Variants in ZNF141 observed in about 807,000 individuals in gnomAD.
The protein encoded by ZNF141 is zinc finger protein 141 (clone pHZ-44).
Under a neutral mutation model 11.3 loss-of-function variants are expected in ZNF141, and 7 were observed. The ratio of observed to expected loss-of-function variants is 0.62; its 90% confidence interval spans 0.35 to 1.16. The LOEUF is 1.16. Ranked by LOEUF, ZNF141 falls within the 50% of genes most tolerant of loss-of-function variation. The pLI is 0.02. For synonymous variants in ZNF141, 183 were observed against 190.7 expected (o/e 0.96, Z 0.33); for missense variants, 535 against 554.0 (o/e 0.97, Z 0.34).
intron 3 of ZNF141, among the ~76,000 whole-genome samples, chr4:367,427 C>T (rs1553853041): frequency 2.0e-5 from 3 of 151,900 alleles, no homozygotes; most frequent in Non-Finnish European, 2.9e-5. Flanking sequence ...AACACTTTTG[C>T]GACTTGAAGA....
chr4:370,324 T>G (rs368132138), intron 3 of ZNF141, among the ~76,000 whole-genome samples: 1 of 152,228 alleles, frequency 6.6e-6, no homozygotes, highest in African/African-American at 2.4e-5. Flanking sequence ...CAGAAAGTTA[T>G]GTATTTTCAT....
chr4:373,726 A>T lies in ZNF141; in HGVS notation c.1289A>T (p.Lys430Ile), dbSNP rs781906381. Reference sequence around the variant, plus strand: ...CCCTACAAATGTAAAGAATGTGACAAAGCCTTTAAACAATTTTCGCTCCTG... The same window carrying T: ...CCCTACAAATGTAAAGAATGTGACATAGCCTTTAAACAATTTTCGCTCCTG... ...DKPYKCKECD[K>I]AFKQFSLLSQ... The change falls in exon 4 of 4, where the codon AAA becomes ATA. Residue 430 changes from lysine to isoleucine, a missense_variant. Lys to Ile is a moderately radical substitution (Grantham distance 102). Coordinates refer to ENST00000240499, the MANE Select transcript of ZNF141 (RefSeq NM_003441.4). 5 of 1,614,188 alleles carry T rather than the reference A, an allele frequency of 3.1e-6. No individual in the cohort carries two copies. The South Asian group carries it at 5.5e-5, about 18-fold the overall frequency.
intron 3 of ZNF141, among the ~76,000 whole-genome samples, chr4:352,335 C>T (rs781957555): frequency 6.6e-6 from 1 of 152,082 alleles, no homozygotes; most frequent in Non-Finnish European, 1.5e-5. Context: ...TGCAGTGAGC[C>T]AAGACTATAC....
In ZNF141 at chr4:380,328, A is replaced by G. The variant is rs1248161643; in HGVS notation, c.*6466A>G. ...TTTAGTAATAGTTGATTTCTACCAA[A>G]TGCTAACCATAATACTGTATATGTG... On this transcript the variant is annotated 3_prime_UTR_variant, in exon 4 of 4. Transcript: ENST00000240499. Among the ~76,000 whole-genome samples, 5 of 152,180 alleles carry G rather than the reference A, an allele frequency of 3.3e-5. No homozygotes were observed. The highest frequency in any genetic ancestry group is 2.9e-5 in the Non-Finnish European group (2 of 68,038).
chr4:350,553 T>C (rs1721547657), intron 3 of ZNF141, among the ~76,000 whole-genome samples: 1 of 152,220 alleles, frequency 6.6e-6, no homozygotes, highest in Admixed American at 6.5e-5. Context: ...TTTTTCACTT[T>C]TGTAAATTAT....
Position 374,033 on chromosome 4 carries a change from GA to G in ZNF141, c.*174del. 1.5e-6 allele frequency: 1 copy of G among 673,486 alleles called. No homozygotes were observed. 41.7% of individuals were successfully genotyped at this position (673,486 alleles called of 1,614,324 possible). A position where few individuals can be genotyped will look rare whatever the true frequency, so the allele number is the denominator to read the frequency against. On this transcript the variant is annotated 3_prime_UTR_variant, in exon 4 of 4. Transcript: ENST00000240499. ...AACATAAGAGAATTCATACCGGAGAGAAACTGTACAAATGTGAAGAATATGG... is the reference window on the plus strand; with the variant it reads ...AACATAAGAGAATTCATACCGGAGAGAACTGTACAAATGTGAAGAATATGG...
intron 1 of ZNF141, among the ~76,000 whole-genome samples, chr4:338,992 G>T (rs116470367): frequency 6.6e-6 from 1 of 152,204 alleles, no homozygotes; most frequent in Non-Finnish European, 1.5e-5. Context: ...GGGAGAGAGG[G>T]CGCTGAGAAC....
intron 3 of ZNF141, among the ~76,000 whole-genome samples, chr4:361,099 C>T (rs185975924): frequency 6.6e-6 from 1 of 152,138 alleles, no homozygotes; most frequent in African/African-American, 2.4e-5. Flanking sequence ...ATAAAATTGC[C>T]ATCTTAAACA....
At position 372,690 on chromosome 4, in the gene ZNF141, C is replaced by T; in HGVS notation, c.253C>T (p.His85Tyr). The T allele has an allele frequency of 6.4e-7, 1 of 1,556,264 alleles. No homozygotes were observed. Residue 85 changes from histidine (H) to tyrosine (Y), a missense_variant, in exon 4 of 4, where the codon CAT becomes TAT. His to Tyr is a moderately conservative substitution (Grantham distance 83). Transcript: ENST00000240499. The stretch of plus-strand genomic sequence containing the variant: ...TATGTGTTCTCATTTCACCCAAGAC[C>T]ATTGGCCAGTGCAGGGCATAGAAGA... ...PAMCSHFTQD[H>Y]WPVQGIEDSF...
At position 373,115 on chromosome 4, in the gene ZNF141, T is replaced by C. The variant is rs782681739; in HGVS notation, c.678T>C (p.Pro226=). ...AGAGAATTCATACTGGAGAGAAACC[T>C]TTTACTTGTGAAGAATGTGGCAGCA... ...EHKRIHTGEK[P]FTCEECGSIF... is the part of the protein sequence containing the mutation. The change falls in exon 4 of 4, where the codon CCT becomes CCC. Residue 226 remains proline (P), a synonymous_variant. Transcript: ENST00000240499. The C allele has an allele frequency of 6.2e-7, 1 of 1,610,680 alleles. No individual in the cohort carries two copies. The highest frequency in any genetic ancestry group is 8.5e-7 in the Non-Finnish European group (1 of 1,179,074).
intron 3 of ZNF141, among the ~76,000 whole-genome samples, chr4:372,359 CTA>C (rs1396414514): frequency 1.3e-5 from 2 of 152,170 alleles, no homozygotes; most frequent in African/African-American, 4.8e-5. Flanking sequence ...TGGCACAGTG[CTA>C]TATTGGGGAG....
intron 3 of ZNF141, among the ~76,000 whole-genome samples, chr4:347,681 T>C (rs574693397): frequency 5.3e-5 from 8 of 151,958 alleles, no homozygotes; most frequent in African/African-American, 1.7e-4. Flanking sequence ...TTTGTAAGTT[T>C]ATCAATTTGC....
intron 3 of ZNF141, among the ~76,000 whole-genome samples, chr4:350,866 A>G (rs545405899): frequency 6.6e-6 from 1 of 151,268 alleles, no homozygotes; most frequent in African/African-American, 2.4e-5. Flanking sequence ...CAACCTCCAG[A>G]GTAGCTGGGA....
At chr4:371,403 TG>T (rs140080664) in intron 3 of ZNF141, among the ~76,000 whole-genome samples, 8,697 of 151,630 alleles carry the variant, frequency 0.057, 382 homozygotes, top group African/African-American at 0.13. Context: ...AGCACATTTT[TG>T]TAGTTTTAGT....
chr4:362,810 G>A (rs781789921), intron 3 of ZNF141, among the ~76,000 whole-genome samples: 16 of 152,180 alleles, frequency 1.1e-4, no homozygotes, highest in African/African-American at 3.1e-4. Context: ...GTCAGGTAGC[G>A]TGATGCCTCC....
At chr4:364,201 C>T (rs571651667) in intron 3 of ZNF141, among the ~76,000 whole-genome samples, 2 of 152,240 alleles carry the variant, frequency 1.3e-5, no homozygotes, top group South Asian at 4.2e-4. Context: ...TGATGCTGGC[C>T]TCATAAAATG....
chr4:341,044 T>C (rs1469157461), intron 1 of ZNF141, among the ~76,000 whole-genome samples: 1 of 151,686 alleles, frequency 6.6e-6, no homozygotes, highest in Non-Finnish European at 1.5e-5. Flanking sequence ...ACCCCACCTT[T>C]TTCCTTTTAG....
intron 3 of ZNF141, among the ~76,000 whole-genome samples, chr4:345,750 A>AAAT (rs1560182129): frequency 6.6e-6 from 1 of 150,740 alleles, no homozygotes; most frequent in Admixed American, 6.6e-5. Flanking sequence ...AAAAAAAAAA[A>AAAT]GTTTTTGAAA....
chr4:342,699 G>T, intron 1 of ZNF141: 1 of 948,812 alleles, frequency 1.1e-6, no homozygotes, highest in Non-Finnish European at 1.7e-6. Flanking sequence ...GAAACCATCA[G>T]CTGTGTTCTG....
Sources: gnomAD v4.1 joint callset for allele counts (sites outside exome capture counted in the v4.1 genomes callset) on GRCh38, gnomAD v4.1.1 for gene constraint, MANE v1.5 for transcripts, NCBI Gene and HGNC (gene_info 2026-07-23, HGNC 2026-07-21) for gene names.